MANSC4: variants seen among roughly 807,000 people sequenced by gnomAD.
MANSC4 encodes the protein MANSC domain-containing protein 4.
MANSC4 carries 11 observed loss-of-function variants against 11.4 expected under a neutral mutation model. The observed-to-expected ratio is 0.97, with a 90% CI of 0.61 to 1.60. The LOEUF is 1.60. Among genes scored for constraint, MANSC4 ranks in the 40% most tolerant of loss-of-function variants. The probability of loss-of-function intolerance (pLI) is 0.00; values close to 1 mark genes in which losing one functional copy is unlikely to be tolerated. For synonymous variants in MANSC4, 123 were observed against 147.1 expected (o/e 0.84, Z 1.19); for missense variants, 354 against 404.6 (o/e 0.88, Z 1.07).
intron 1 of MANSC4, among the ~76,000 whole-genome samples, chr12:27,774,624 T>G (rs976444244): frequency 6.6e-6 from 1 of 152,222 alleles, no homozygotes; most frequent in African/African-American, 2.4e-5. Context: ...TGGCTTTTAT[T>G]TGTGATTCCA....
chr12:27,776,322 G>T (rs1479594248), intron 1 of MANSC4, among the ~76,000 whole-genome samples: 1 of 152,050 alleles, frequency 6.6e-6, no homozygotes, highest in African/African-American at 2.4e-5. Context: ...TATACATTAT[G>T]TTGTTTTCCA....
chr12:27,778,736 G>C (rs1190719763), intron 1 of MANSC4, among the ~76,000 whole-genome samples: 1 of 152,100 alleles, frequency 6.6e-6, no homozygotes, highest in Non-Finnish European at 1.5e-5. Flanking sequence ...CCTACCCAAA[G>C]ATAATCCAAA....
intron 1 of MANSC4, among the ~76,000 whole-genome samples, chr12:27,779,415 C>CT (rs1348323327): frequency 6.6e-6 from 1 of 152,196 alleles, no homozygotes; most frequent in African/African-American, 2.4e-5. Flanking sequence ...TTTCATCTTT[C>CT]TTTTAATAAC....
intron 1 of MANSC4, among the ~76,000 whole-genome samples, chr12:27,773,442 C>T (rs748767868): frequency 2.6e-5 from 4 of 152,080 alleles, no homozygotes; most frequent in Non-Finnish European, 5.9e-5. Context: ...ACTGCAGAAA[C>T]CAGGAAGCAA....
chr12:27,762,762 G>A lies in MANSC4; in HGVS notation c.999C>T (p.Asn333=). ...ACTATGAAGAGTTCTCCTTCATATG[G>A]TTACGGTTTTTAATTTGCAAGGATC... The part of the protein sequence containing the change: ...KSGSLQIKNR[N]HMKENSS Residue 333 remains asparagine (N), a synonymous_variant, in exon 4 of 4, where the codon AAC becomes AAT. Transcript: ENST00000381273. 6.5e-7 allele frequency: 1 copy of A among 1,545,326 alleles called. No homozygotes were observed. The highest frequency in any genetic ancestry group is 1.7e-4 in the Middle Eastern group (1 of 5,938).
Position 27,771,174 on chromosome 12 carries a change from T to C in MANSC4, c.103A>G (p.Ile35Val). 6.4e-7 allele frequency: 1 copy of C among 1,552,074 alleles called. No homozygotes were observed. The highest frequency in any genetic ancestry group is 8.7e-7 in the Non-Finnish European group (1 of 1,147,054). ...SPTIFYRDCW[I>V]RRFPGLLINL... ...ATTAGAAGACCTGGGAAGCGACGGATCCAGCAGTCTCTGTAAAAAATTGTG... is the reference window on the plus strand; with the variant it reads ...ATTAGAAGACCTGGGAAGCGACGGACCCAGCAGTCTCTGTAAAAAATTGTG... The change falls in exon 2 of 4, where the codon ATC (isoleucine) becomes GTC (valine). Residue 35 changes from isoleucine (I) to valine (V), a missense_variant. Coordinates refer to ENST00000381273, the MANE Select transcript of MANSC4 (RefSeq NM_001146221.5).
At chr12:27,773,091 C>T (rs1383041629) in intron 1 of MANSC4, among the ~76,000 whole-genome samples, 1 of 152,148 alleles carries the variant, frequency 6.6e-6, no homozygotes, top group Non-Finnish European at 1.5e-5. Flanking sequence ...GCCTATAATC[C>T]CAGCACTGTG....
chr12:27,762,910 G>A lies in MANSC4; in HGVS notation c.851C>T (p.Thr284Ile), dbSNP rs922910580. The change falls in exon 4 of 4, where the codon ACT (threonine) becomes ATT (isoleucine). Residue 284 changes from threonine (T) to isoleucine (I), a missense_variant. Coordinates refer to ENST00000381273, the MANE Select transcript of MANSC4 (RefSeq NM_001146221.5). Reference sequence around the variant, plus strand: ...GCAAAGGGCCACAGAAACCAGCCAAGTCTTTGAAGTCACAGATACCTCATC... The same window carrying A: ...GCAAAGGGCCACAGAAACCAGCCAAATCTTTGAAGTCACAGATACCTCATC... ...NEDEVSVTSK[T>I]WLVSVALCTS... The A allele has an allele frequency of 1.9e-6, 3 of 1,552,076 alleles. No individual in the cohort carries two copies. Among genetic ancestry groups the A allele is most frequent in the African/African-American group, 2.7e-5 (2 of 73,050 alleles).
chr12:27,765,064 T>C (rs2062066304), intron 3 of MANSC4, among the ~76,000 whole-genome samples: 1 of 152,180 alleles, frequency 6.6e-6, no homozygotes, highest in African/African-American at 2.4e-5. Flanking sequence ...CTCAAACTCC[T>C]GGGCTCAAGT....
chr12:27,770,919 C>A, intron 2 of MANSC4, 129 bp downstream of exon 2: 1 of 669,946 alleles, frequency 1.5e-6, no homozygotes. Flanking sequence ...CCCTCTCTCT[C>A]CCACACCCTA....
At position 27,771,188 on chromosome 12, in the gene MANSC4, T is replaced by G; in HGVS notation, c.89A>C (p.Tyr30Ser). 6.4e-7 allele frequency: 1 copy of G among 1,552,090 alleles called. No individual in the cohort carries two copies. The highest frequency in any genetic ancestry group is 8.7e-7 in the Non-Finnish European group (1 of 1,147,094). The change falls in exon 2 of 4, where the codon TAC becomes TCC. Residue 30 changes from tyrosine to serine, a missense_variant. Coordinates refer to ENST00000381273, the MANE Select transcript of MANSC4 (RefSeq NM_001146221.5). ...SDSLCSPTIF[Y>S]RDCWIRRFPG... ...GAAGCGACGGATCCAGCAGTCTCTG[T>G]AAAAAATTGTGGGTGAGCAGAGAGA...
chr12:27,766,111 A>G (rs1027922367), intron 3 of MANSC4, among the ~76,000 whole-genome samples: 2 of 150,412 alleles, frequency 1.3e-5, no homozygotes, highest in Admixed American at 6.6e-5. Flanking sequence ...CTCTGTCACC[A>G]TGCTGGAGTG....
chr12:27,766,159 C>G (rs1415845718), intron 3 of MANSC4, among the ~76,000 whole-genome samples: 1 of 152,056 alleles, frequency 6.6e-6, no homozygotes, highest in Non-Finnish European at 1.5e-5. Flanking sequence ...TCTCCGCCTC[C>G]CAGGTTCAAG....
chr12:27,768,834 T>C (rs2062086547), intron 2 of MANSC4, among the ~76,000 whole-genome samples: 1 of 152,172 alleles, frequency 6.6e-6, no homozygotes, highest in Non-Finnish European at 1.5e-5. Context: ...TTCACCATGT[T>C]GTCCAGGCTG....
Position 27,772,654 on chromosome 12 carries a change from C to T in MANSC4, c.-306-1072G>A, listed in dbSNP as rs187740766. Among the ~76,000 whole-genome samples, 10 of 152,306 alleles carry T rather than the reference C, an allele frequency of 6.6e-5. No homozygotes were observed. The East Asian group carries it at 1.9e-3, about 29-fold the overall frequency. On this transcript the variant is annotated intron_variant, in intron 1 of 3. Coordinates refer to ENST00000381273, the MANE Select transcript of MANSC4 (RefSeq NM_001146221.5). Reference sequence around the variant, plus strand: ...AGAATACACAAAATGATAAATATTTCATTCTATTGAACTTCTTACAGAAAG... The same window carrying T: ...AGAATACACAAAATGATAAATATTTTATTCTATTGAACTTCTTACAGAAAG...
rs1353186052 is a variant in MANSC4 at position 27,763,052 on chromosome 12, C to A, written c.709G>T (p.Glu237Ter). 6.4e-7 allele frequency: 1 copy of A among 1,551,622 alleles called. No individual in the cohort carries two copies. Among genetic ancestry groups the A allele is most frequent in the Admixed American group, 2.0e-5 (1 of 50,954 alleles). ...PDNKTISPFF[E>*]PIDTKLSHMP... ...TGAGAAAGTTTTGTGTCTATGGGTT[C>A]AAAGAAAGGAGAAATAGTCTTATTA... The change falls in exon 4 of 4, where the codon GAA becomes TAA. Residue 237 changes from glutamate (E) to a stop codon, truncating the protein, a stop_gained. Transcript: ENST00000381273. LOFTEE classifies it low-confidence loss of function (END_TRUNC).
At chr12:27,772,883 T>C (rs2062106146) in intron 1 of MANSC4, among the ~76,000 whole-genome samples, 1 of 152,246 alleles carries the variant, frequency 6.6e-6, no homozygotes, top group African/African-American at 2.4e-5. Flanking sequence ...TCTAATCTTA[T>C]AATCTTCAAG....
chr12:27,770,939 C>T, intron 2 of MANSC4, 109 bp downstream of exon 2: 1 of 778,982 alleles, frequency 1.3e-6, no homozygotes, highest in Non-Finnish European at 2.0e-6. Context: ...AGGGCATCTT[C>T]TCTAGTTCTT....
At chr12:27,776,088 CA>C (rs35924016) in intron 1 of MANSC4, among the ~76,000 whole-genome samples, 4,717 of 63,074 alleles carry the variant, frequency 0.075, 120 homozygotes, top group East Asian at 0.3. Context: ...GAGACTGTCT[CA>C]AAAAAAAAAA....
Sources: allele counts gnomAD v4.1 joint callset (sites outside exome capture counted in the v4.1 genomes callset), GRCh38; gene constraint gnomAD v4.1.1; transcripts MANE v1.5; gene names NCBI Gene and HGNC (gene_info 2026-07-23, HGNC 2026-07-21).